Variants in PLCH1 observed in about 807,000 individuals in gnomAD.
PLCH1 encodes the protein 1-phosphatidylinositol 4,5-bisphosphate phosphodiesterase eta-1.
A neutral mutation model predicts 126.7 loss-of-function variants in PLCH1; 60 were observed. The ratio of observed to expected loss-of-function variants is 0.47; its 90% CI spans 0.38 to 0.59. The LOEUF (loss-of-function observed/expected upper bound fraction) is 0.59, where lower values mean the gene tolerates loss of function less well. PLCH1 is among the 20% of genes least tolerant of loss of function. The pLI is 0.00. For synonymous variants in PLCH1, 719 were observed against 734.9 expected (o/e 0.98, Z 0.35); for missense variants, 1,723 against 2,040.0 (o/e 0.84, Z 2.99).
chr3:155,504,534 G>A lies in PLCH1; in HGVS notation c.1704+21C>T, dbSNP rs200660539. ...CTTTAAATTAACTGAAGTATGCATA[G>A]TTATTACTCTTAATTCATACCTTAT... On this transcript the variant is annotated intron_variant, in intron 13 of 22. Coordinates refer to ENST00000460012, the MANE Select transcript of PLCH1 (RefSeq NM_014996.4). The A allele has an allele frequency of 9.4e-4, 1,286 of 1,361,564 alleles. 5 individuals are homozygous for A. Among genetic ancestry groups the A allele is most frequent in the Middle Eastern group, 7.7e-3 (41 of 5,328 alleles). The allele number at this position is 1,361,564 out of a possible 1,614,324, so 84.3% of individuals were successfully genotyped here. A position where few individuals can be genotyped will look rare whatever the true frequency, so the allele number is the denominator to read the frequency against.
In PLCH1 at chr3:155,629,369, A is replaced by G. The variant is rs138409718; in HGVS notation, c.80-32991T>C. ...GGCATTAATTCCAATCCACACACAG[A>G]TAACTCCAAATGTAAATCTCAAGCC... On this transcript the variant is annotated intron_variant, in intron 2 of 22. Coordinates refer to ENST00000460012, the MANE Select transcript of PLCH1 (RefSeq NM_014996.4). Among the ~76,000 whole-genome samples the G allele has an allele frequency of 4.2e-3, 641 of 152,330 alleles. 1 individual carries two copies. The highest frequency in any genetic ancestry group is 7.1e-3 in the Admixed American group (108 of 15,306).
At chr3:155,653,281 G>A (rs985319263) in intron 2 of PLCH1, among the ~76,000 whole-genome samples, 8 of 152,150 alleles carry the variant, frequency 5.3e-5, no homozygotes, top group African/African-American at 7.2e-5. Flanking sequence ...GACCTCCCAT[G>A]GGCTGGGATT....
At chr3:155,524,051 A>G (rs1320516869) in intron 10 of PLCH1, 47 bp from the exon 11 acceptor site, 2 of 1,149,906 alleles carry the variant, frequency 1.7e-6, no homozygotes, top group Non-Finnish European at 2.6e-6. Flanking sequence ...ATAAATTCAC[A>G]ATAGCCAAAA....
At chr3:155,630,616 C>T (rs536442267) in intron 2 of PLCH1, among the ~76,000 whole-genome samples, 114 of 152,308 alleles carry the variant, frequency 7.5e-4, no homozygotes, top group African/African-American at 2.2e-3. Flanking sequence ...ACATTTTCTT[C>T]TTTCTGACTC....
intron 1 of PLCH1, among the ~76,000 whole-genome samples, chr3:155,729,158 C>T (rs956624520): frequency 9.9e-5 from 15 of 152,212 alleles, no homozygotes; most frequent in African/African-American, 3.4e-4. Flanking sequence ...CAAAGAAGGA[C>T]AGAGCTGCCA....
chr3:155,482,157 G>T lies in PLCH1; in HGVS notation c.3869C>A (p.Ala1290Glu). ...DDDLSSKAKT[A>E]ALESNLPGSP... is the part of the protein sequence containing the mutation. ...TCCAGGCAGGTTGCTTTCTAAGGCCGCTGTCTTGGCCTTACTAGAAAGGTC... is the reference window on the plus strand; with the variant it reads ...TCCAGGCAGGTTGCTTTCTAAGGCCTCTGTCTTGGCCTTACTAGAAAGGTC... Residue 1290 changes from alanine (A) to glutamate (E), a missense_variant, in exon 23 of 23, where the codon GCG becomes GAG. By Grantham distance (107) the Ala-to-Glu change is moderately radical. Transcript: ENST00000460012. The T allele has an allele frequency of 1.2e-6, 2 of 1,614,060 alleles. No individual in the cohort carries two copies. The highest frequency in any genetic ancestry group is 1.7e-6 in the Non-Finnish European group (2 of 1,179,936).
intron 9 of PLCH1, among the ~76,000 whole-genome samples, chr3:155,551,444 G>GAAA (rs59794505): frequency 9.5e-5 from 4 of 42,088 alleles, no homozygotes; most frequent in Non-Finnish European, 1.5e-4. Flanking sequence ...GGCTGCCTCA[G>GAAA]AAAAAAAAAA....
intron 21 of PLCH1, among the ~76,000 whole-genome samples, chr3:155,468,482 G>A (rs1001297838): frequency 6.6e-6 from 1 of 152,126 alleles, no homozygotes; most frequent in Non-Finnish European, 1.5e-5. Flanking sequence ...CCACTGATCT[G>A]CTGTCTACAA....
chr3:155,703,917 G>A lies in PLCH1; in HGVS notation c.79+229C>T, dbSNP rs543985098. Among the ~76,000 whole-genome samples the A allele has an allele frequency of 3.9e-5, 6 of 152,242 alleles. No homozygotes were observed. In the East Asian group the frequency reaches 9.6e-4, roughly 24 times the overall value. ...AAGGCACTGGTACCAACTACCCTAC[G>A]AAATAGAAAGAGATAACACTATTAT... On this transcript the variant is annotated intron_variant, in intron 2 of 22. Transcript: ENST00000460012.
At chr3:155,516,016 T>G (rs1024176775) in intron 11 of PLCH1, among the ~76,000 whole-genome samples, 5 of 152,216 alleles carry the variant, frequency 3.3e-5, no homozygotes, top group African/African-American at 1.2e-4. Flanking sequence ...ATTTCAAAAA[T>G]CTATACCAGG....
At chr3:155,468,455 A>C (rs1002726396) in intron 21 of PLCH1, among the ~76,000 whole-genome samples, 3 of 152,200 alleles carry the variant, frequency 2.0e-5, no homozygotes, top group Non-Finnish European at 2.9e-5. Context: ...GACTGGCTGA[A>C]TAATGAAAAA....
chr3:155,523,203 C>T (rs571620371), intron 11 of PLCH1, among the ~76,000 whole-genome samples: 1 of 152,226 alleles, frequency 6.6e-6, no homozygotes, highest in South Asian at 2.1e-4. Flanking sequence ...GTCTCGATCT[C>T]CTGACCTCGT....
intron 21 of PLCH1, among the ~76,000 whole-genome samples, chr3:155,456,335 TA>T (rs10626251): frequency 0.065 from 8,892 of 135,920 alleles, 276 homozygotes; most frequent in South Asian, 0.091. Context: ...GCTAATGAGC[TA>T]AAAAAAAAAA....
intron 2 of PLCH1, among the ~76,000 whole-genome samples, chr3:155,638,890 G>C (rs935919251): frequency 3.3e-5 from 5 of 152,060 alleles, no homozygotes; most frequent in African/African-American, 1.2e-4. Flanking sequence ...CATAATATTG[G>C]AACAAGATCT....
rs146351898 is a variant in PLCH1, at chr3:155,626,540, C to T, written c.80-30162G>A. Among the ~76,000 whole-genome samples, 471 of 152,038 alleles carry T rather than the reference C, an allele frequency of 3.1e-3. 2 individuals are homozygous for T. The highest frequency in any genetic ancestry group is 0.019 in the South Asian group (92 of 4,808). On this transcript the variant is annotated intron_variant, in intron 2 of 22. Transcript: ENST00000460012. ...ACCCCAGCCCTTTGGGAGGCCAAGG[C>T]GGGTGGTTCACGAGGTCAGGAGATC...
chr3:155,515,726 G>A (rs1024542338), intron 11 of PLCH1, among the ~76,000 whole-genome samples: 1 of 152,134 alleles, frequency 6.6e-6, no homozygotes, highest in African/African-American at 2.4e-5. Flanking sequence ...TAGCTCTTCT[G>A]CTCTTCCAGT....
At chr3:155,700,405 G>A (rs1746184870) in intron 2 of PLCH1, among the ~76,000 whole-genome samples, 1 of 152,152 alleles carries the variant, frequency 6.6e-6, no homozygotes, top group African/African-American at 2.4e-5. Context: ...TTTAATAAGA[G>A]AATTACCCTT....
At chr3:155,549,671 T>A (rs359542) in intron 10 of PLCH1, 116 bp downstream of exon 10, 513,271 of 727,066 alleles carry the variant, frequency 0.71, 195,118 homozygotes, top group Non-Finnish European at 0.81. Flanking sequence ...ATCTAGACAA[T>A]CCTTCATATA....
downstream of PLCH1, chr3:155,479,859 A>G (rs1423141934): frequency 1.3e-5 from 2 of 152,112 alleles, no homozygotes; most frequent in African/African-American, 2.4e-5. Context: ...ATGAATTTCA[A>G]TTGTAAAAAA....
Sources: gnomAD v4.1 joint callset for allele counts (sites outside exome capture counted in the v4.1 genomes callset) on GRCh38, gnomAD v4.1.1 for gene constraint, MANE v1.5 for transcripts, NCBI Gene and HGNC (gene_info 2026-07-23, HGNC 2026-07-21) for gene names.